The following PITRM1 variants were observed in gnomAD, a reference collection of about 807,000 sequenced individuals.
The protein encoded by PITRM1 is presequence protease, mitochondrial.
Under a neutral mutation model 129.9 loss-of-function variants are expected in PITRM1, and 100 were observed. The ratio of observed to expected loss-of-function variants is 0.77; its 90% CI spans 0.65 to 0.91. The LOEUF (loss-of-function observed/expected upper bound fraction) is 0.91. Ranked by LOEUF, PITRM1 falls within the 40% of genes least tolerant of loss-of-function variation. The pLI, the probability that PITRM1 is intolerant of heterozygous loss-of-function variation, is 0.00. For missense variants in PITRM1, 1,471 were observed against 1,318.3 expected (o/e 1.12, Z -1.79); for synonymous variants, 591 against 508.8 (o/e 1.16, Z -2.17).
In PITRM1 at chr10:3,166,316, G is replaced by A. The variant is rs1219421377; in HGVS notation, c.331C>T (p.Leu111Phe). Reference sequence around the variant, plus strand: ...CACGGATATTTCTGAGACCCACAAAGGACGGTATGCTCAAGAATGTGAGGA... The same window carrying A: ...CACGGATATTTCTGAGACCCACAAAAGACGGTATGCTCAAGAATGTGAGGA... ...GVPHILEHTV[L>F]CGSQKYPCRD... Residue 111 changes from leucine to phenylalanine, a missense_variant, in exon 4 of 27, where the codon CTT (leucine) becomes TTT (phenylalanine). Coordinates refer to ENST00000224949, the MANE Select transcript of PITRM1 (RefSeq NM_014889.4). 2 of 1,610,958 alleles carry A rather than the reference G, an allele frequency of 1.2e-6. No homozygotes were observed. The highest frequency in any genetic ancestry group is 1.7e-6 in the Non-Finnish European group (2 of 1,178,362).
intron 1 of PITRM1, among the ~76,000 whole-genome samples, chr10:3,171,792 C>T (rs1843383801): frequency 6.6e-6 from 1 of 152,092 alleles, no homozygotes; most frequent in Non-Finnish European, 1.5e-5. Flanking sequence ...TGTAACCCCG[C>T]AATGCGAGAG....
At chr10:3,170,658 G>A (rs1385477888) in intron 1 of PITRM1, among the ~76,000 whole-genome samples, 2 of 152,188 alleles carry the variant, frequency 1.3e-5, no homozygotes, top group Non-Finnish European at 2.9e-5. Flanking sequence ...GCTACAGGGA[G>A]TACAAAGTGG....
intron 7 of PITRM1, among the ~76,000 whole-genome samples, chr10:3,162,131 C>G (rs1027167141): frequency 1.3e-5 from 2 of 148,762 alleles, no homozygotes; most frequent in Admixed American, 6.7e-5. Context: ...GTACTCCAGC[C>G]TGGGGGACAG....
chr10:3,167,125 T>C lies in PITRM1; in HGVS notation c.160-83A>G, dbSNP rs145886143. 70 of 759,236 alleles carry C rather than the reference T, an allele frequency of 9.2e-5. 1 individual carries two copies. In the East Asian group the frequency reaches 1.8e-3, roughly 19 times the overall value. The allele number at this position is 759,236 out of a possible 1,614,324, so 47.0% of individuals were successfully genotyped here. A position where few individuals can be genotyped will look rare whatever the true frequency, so the allele number is the denominator to read the frequency against. On this transcript the variant is annotated intron_variant, in intron 2 of 26. Coordinates refer to ENST00000224949, the MANE Select transcript of PITRM1 (RefSeq NM_014889.4). ...GTTATGTTCGACACACTGAGAAAAC[T>C]GGCTTTTCTGCCTGAAATTAGATGA...
intron 22 of PITRM1, 34 bp downstream of exon 22, chr10:3,144,258 C>T (rs776317389): frequency 2.3e-6 from 3 of 1,321,278 alleles, no homozygotes; most frequent in Admixed American, 2.1e-5. Context: ...GAAGCACCCA[C>T]CCGCTGGCAA....
intron 23 of PITRM1, 108 bp from the exon 24 acceptor site, chr10:3,140,920 C>T: frequency 9.8e-7 from 1 of 1,019,554 alleles, no homozygotes; most frequent in Non-Finnish European, 1.5e-6. Flanking sequence ...TAAAATAATG[C>T]TGCATAAATT....
intron 1 of PITRM1, among the ~76,000 whole-genome samples, chr10:3,171,308 T>C (rs1215487206): frequency 6.7e-6 from 1 of 148,214 alleles, no homozygotes; most frequent in Admixed American, 6.8e-5. Context: ...TAACAAGACA[T>C]TGTCAGAACG....
At chr10:3,153,309 C>T (rs1841679670) in intron 14 of PITRM1, among the ~76,000 whole-genome samples, 1 of 152,218 alleles carries the variant, frequency 6.6e-6, no homozygotes, top group Non-Finnish European at 1.5e-5. Context: ...AACCTGTTGC[C>T]TACTCATGGA....
intron 25 of PITRM1, 77 bp from the exon 26 acceptor site, chr10:3,138,414 G>A: frequency 1.1e-6 from 1 of 913,872 alleles, no homozygotes; most frequent in South Asian, 1.3e-5. Context: ...ATGTCCCGGA[G>A]GGGACACAGG....
At chr10:3,154,895 C>G (rs1210022308) in intron 14 of PITRM1, among the ~76,000 whole-genome samples, 1 of 152,204 alleles carries the variant, frequency 6.6e-6, no homozygotes, top group Non-Finnish European at 1.5e-5. Flanking sequence ...CTCCCACCAT[C>G]CTGGCCTAGG....
intron 7 of PITRM1, 152 bp downstream of exon 7, chr10:3,163,564 TGTCCAAGTA>T (rs1337295742): frequency 1.7e-5 from 10 of 596,144 alleles, no homozygotes; most frequent in Non-Finnish European, 2.9e-5. Context: ...CCAAAATCAA[TGTCCAAGTA>T]AGATAGGCAA....
chr10:3,141,716 G>A (rs919528512), intron 23 of PITRM1: 9 of 465,492 alleles, frequency 1.9e-5, no homozygotes, highest in Admixed American at 9.6e-5. Context: ...CCAGGTCGCC[G>A]CTTCCACAGA....
intron 15 of PITRM1, among the ~76,000 whole-genome samples, chr10:3,150,275 G>A (rs2132415104): frequency 6.6e-6 from 1 of 152,310 alleles, no homozygotes; most frequent in African/African-American, 2.4e-5. Flanking sequence ...CCAGCGGAGG[G>A]ACCAAGGTGC....
In PITRM1 at chr10:3,160,321, C is replaced by T. The variant is rs551241145; in HGVS notation, c.801G>A (p.Thr267=). 2.7e-5 allele frequency: 43 copies of T among 1,610,064 alleles called. No homozygotes were observed. Among genetic ancestry groups the T allele is most frequent in the South Asian group, 2.2e-4 (20 of 91,002 alleles). The change falls in exon 8 of 27, where the codon ACG becomes ACA. Residue 267 remains threonine (T), a synonymous_variant. Transcript: ENST00000224949. ...GCTGTTCTAATGGAAAATTACCGTA[C>T]GTGAAGAACCTAAAATTTTAAGGGA... ...HYHPSNARFF[T]YGNFPLEQHL...
chr10:3,158,081 G>T lies in PITRM1; in HGVS notation c.1209C>A (p.Thr403=), dbSNP rs766860548. 11 of 1,611,176 alleles carry T rather than the reference G, an allele frequency of 6.8e-6. No individual in the cohort carries two copies. Among genetic ancestry groups the T allele is most frequent in the East Asian group, 6.7e-5 (3 of 44,846 alleles). Reference sequence around the variant, plus strand: ...TCGTTCTGTCTATGAGGCTTCTGACGGTCTCAATGTCTTTCTCCGCAATCC... The same window carrying T: ...TCGTTCTGTCTATGAGGCTTCTGACTGTCTCAATGTCTTTCTCCGCAATCC... ...LQGIAEKDIE[T]VRSLIDRTID... Residue 403 remains threonine (T), a synonymous_variant, in exon 11 of 27, where the codon ACC becomes ACA. Transcript: ENST00000224949.
At chr10:3,152,395 G>A (rs1389326925) in intron 14 of PITRM1, among the ~76,000 whole-genome samples, 1 of 152,206 alleles carries the variant, frequency 6.6e-6, no homozygotes, top group East Asian at 1.9e-4. Context: ...AGCACTCCTG[G>A]TGTCTGCTGG....
intron 24 of PITRM1, among the ~76,000 whole-genome samples, chr10:3,139,708 G>A (rs1839986760): frequency 6.6e-6 from 1 of 152,216 alleles, no homozygotes; most frequent in Admixed American, 6.5e-5. Flanking sequence ...CTGTCGCCCA[G>A]GCTGGTGTGC....
At chr10:3,149,430 T>C in intron 16 of PITRM1, 191 bp downstream of exon 16, 1 of 489,940 alleles carries the variant, frequency 2.0e-6, no homozygotes, top group Non-Finnish European at 3.5e-6. Flanking sequence ...TTCATAACTA[T>C]TTCAATGTAA....
chr10:3,157,984 A>G (rs185716572), intron 11 of PITRM1, 56 bp downstream of exon 11: 10 of 1,099,996 alleles, frequency 9.1e-6, no homozygotes, highest in African/African-American at 3.0e-5. Context: ...GCTTCTCCCA[A>G]AAAGCACACA....
Sources: allele counts gnomAD v4.1 joint callset (sites outside exome capture counted in the v4.1 genomes callset), GRCh38; gene constraint gnomAD v4.1.1; transcripts MANE v1.5; gene names NCBI Gene and HGNC (gene_info 2026-07-23, HGNC 2026-07-21).